The following CYP4V2 variants were observed in gnomAD, a reference collection of about 807,000 sequenced individuals.
CYP4V2 encodes the protein cytochrome P450 family 4 subfamily V member 2.
In CYP4V2, 55 loss-of-function variants were observed where a neutral mutation model predicts 60.8. That is an observed-to-expected ratio of 0.90 (90% confidence interval 0.73 to 1.13). The LOEUF is 1.13. CYP4V2 is among the 50% of genes most tolerant of loss of function. The pLI is 0.00. For missense variants in CYP4V2, 675 were observed against 662.9 expected (o/e 1.02, Z -0.20); for synonymous variants, 239 against 236.8 (o/e 1.01, Z -0.08).
At position 186,210,867 on chromosome 4, in the gene CYP4V2, T is replaced by C; in HGVS notation, c.*226T>C. 1 of 490,412 alleles carries C rather than the reference T, an allele frequency of 2.0e-6. No individual in the cohort carries two copies. Among genetic ancestry groups the C allele is most frequent in the South Asian group, 2.1e-5 (1 of 46,638 alleles). The allele number at this position is 490,412 out of a possible 1,614,324, so 30.4% of individuals were successfully genotyped here. A position where few individuals can be genotyped will look rare whatever the true frequency, so the allele number is the denominator to read the frequency against. On this transcript the variant is annotated 3_prime_UTR_variant, in exon 11 of 11. Transcript: ENST00000378802. ...TTTTTTTTTTGAAACCGTGTCTCAC[T>C]CTGTCGCCCAGGCTGGAGGAGTGCA...
At chr4:186,192,322 C>T (rs1736015705) in intron 1 of CYP4V2, 1 of 653,306 alleles carries the variant, frequency 1.5e-6, no homozygotes, top group East Asian at 3.0e-5. Flanking sequence ...GCTCTCAAAG[C>T]CCTGCCGTTT....
intron 8 of CYP4V2, among the ~76,000 whole-genome samples, chr4:186,208,332 G>C (rs1243136514): frequency 6.0e-5 from 9 of 150,660 alleles, no homozygotes; most frequent in Non-Finnish European, 1.3e-4. Context: ...TTAGCATCCA[G>C]TACCTTGATC....
rs150875391 is a variant in CYP4V2 at position 186,197,046 on chromosome 4, G to A, written c.520G>A (p.Val174Ile). Reference sequence around the variant, plus strand: ...CATGAATGAACAAGCAAATATATTGGTTAAGAAACTTGAAAAACACATTAA... The same window carrying A: ...CATGAATGAACAAGCAAATATATTGATTAAGAAACTTGAAAAACACATTAA... ...DIMNEQANIL[V>I]KKLEKHINQE... is the part of the protein sequence containing the mutation. The change falls in exon 4 of 11, where the codon GTT becomes ATT. Residue 174 changes from valine (V) to isoleucine (I), a missense_variant. Transcript: ENST00000378802. The A allele has an allele frequency of 2.5e-6, 4 of 1,613,542 alleles. No homozygotes were observed. Among genetic ancestry groups the A allele is most frequent in the Non-Finnish European group, 3.4e-6 (4 of 1,179,964 alleles).
At position 186,205,257 on chromosome 4, in the gene CYP4V2, C is replaced by G; in HGVS notation, c.1045C>G (p.Pro349Ala). The G allele has an allele frequency of 6.2e-7, 1 of 1,614,186 alleles. No individual in the cohort carries two copies. The highest frequency in any genetic ancestry group is 1.3e-5 in the African/African-American group (1 of 75,036). The stretch of plus-strand genomic sequence containing the variant: ...GTCCTTATACCTGTTGGGTTCTAAC[C>G]CAGAAGTCCAGAAAAAAGTGGATCA... ...NWSLYLLGSN[P>A]EVQKKVDHEL... Residue 349 changes from proline (P) to alanine (A), a missense_variant, in exon 8 of 11, where the codon CCA becomes GCA. Transcript: ENST00000378802.
At chr4:186,209,495 A>G (rs7664886) in intron 10 of CYP4V2, among the ~76,000 whole-genome samples, 10,729 of 152,236 alleles carry the variant, frequency 0.07, 1,278 homozygotes, top group African/African-American at 0.25. Flanking sequence ...GCAAAATACC[A>G]CAGACTGGGT....
At chr4:186,194,142 T>G (rs934606659) in intron 1 of CYP4V2, among the ~76,000 whole-genome samples, 4 of 152,230 alleles carry the variant, frequency 2.6e-5, no homozygotes, top group African/African-American at 9.6e-5. Context: ...GGTGAAGTTC[T>G]GGAGTCTCGC....
chr4:186,191,847 C>T lies in CYP4V2; in HGVS notation c.24C>T (p.Leu8=), dbSNP rs202148693. 3.8e-4 allele frequency: 600 copies of T among 1,577,370 alleles called. 6 individuals carry two copies. The East Asian group carries it at 6.9e-3, about 18-fold the overall frequency. The part of the protein sequence containing the change: MAGLWLG[L]VWQKLLLWGA... ...CGATGGCGGGGCTCTGGCTGGGGCT[C>T]GTGTGGCAGAAGCTGCTGCTGTGGG... The change falls in exon 1 of 11, where the codon CTC becomes CTT. Residue 8 remains leucine, a synonymous_variant. Coordinates refer to ENST00000378802, the MANE Select transcript of CYP4V2 (RefSeq NM_207352.4).
chr4:186,191,893 C>T lies in CYP4V2; in HGVS notation c.70C>T (p.Leu24=). 1 of 1,591,370 alleles carries T rather than the reference C, an allele frequency of 6.3e-7. No individual in the cohort carries two copies. The highest frequency in any genetic ancestry group is 8.5e-7 in the Non-Finnish European group (1 of 1,172,988). The change falls in exon 1 of 11, where the codon CTG becomes TTG. Residue 24 remains leucine (L), a synonymous_variant. Transcript: ENST00000378802. ...LLWGAASALS[L]AGASLVLSLL... ...GTGGGGCGCGGCGAGTGCCCTTTCC[C>T]TGGCCGGCGCCAGTCTGGTCCTGAG... is the stretch of plus-strand genomic sequence containing the variant.
intron 4 of CYP4V2, 197 bp downstream of exon 4, chr4:186,197,327 C>G: frequency 1.2e-6 from 1 of 854,152 alleles, no homozygotes; most frequent in Non-Finnish European, 1.9e-6. Context: ...CATGGAGCAA[C>G]TGCCCAGGGA....
In CYP4V2 at chr4:186,191,592, T is replaced by TGGAGGCCGC; in HGVS notation, c.-229_-221dup. The TGGAGGCCGC allele has an allele frequency of 3.1e-6, 1 of 324,184 alleles. No individual in the cohort carries two copies. The highest frequency in any genetic ancestry group is 5.5e-6 in the Non-Finnish European group (1 of 181,838). The allele number at this position is 324,184 out of a possible 1,614,324, so 20.1% of individuals were successfully genotyped here. On this transcript the variant is annotated 5_prime_UTR_variant, in exon 1 of 11. Transcript: ENST00000378802. ...CGGTCTTTCGCTTTCGGCTGGGGCG[T>TGGAGGCCGC]GGAGGCCGCGGTGCTGCGTAGGCCG... is the stretch of plus-strand genomic sequence containing the variant.
chr4:186,205,284 G>T lies in CYP4V2; in HGVS notation c.1072G>T (p.Glu358Ter), dbSNP rs1189085185. The change falls in exon 8 of 11, where the codon GAA becomes TAA. Residue 358 changes from glutamate (E) to a stop codon, truncating the protein, a stop_gained. Transcript: ENST00000378802. LOFTEE classifies it high-confidence loss of function. ...AGAAGTCCAGAAAAAAGTGGATCAT[G>T]AATTGGATGACGTGTTTGGTATGTT... is the stretch of plus-strand genomic sequence containing the variant. ...NPEVQKKVDH[E>*]LDDVFGKSDR... is the part of the protein sequence containing the mutation. The T allele has an allele frequency of 6.2e-7, 1 of 1,614,234 alleles. No homozygotes were observed. Among genetic ancestry groups the T allele is most frequent in the Non-Finnish European group, 8.5e-7 (1 of 1,180,038 alleles).
chr4:186,208,894 G>T lies in CYP4V2; in HGVS notation c.1120G>T (p.Asp374Tyr), dbSNP rs376015936. The T allele has an allele frequency of 1.3e-4, 207 of 1,614,104 alleles. No individual in the cohort carries two copies. The highest frequency in any genetic ancestry group is 1.7e-4 in the Non-Finnish European group (195 of 1,180,046). The change falls in exon 9 of 11, where the codon GAC becomes TAC. Residue 374 changes from aspartate to tyrosine, a missense_variant. By Grantham distance (160) the Asp-to-Tyr change is radical. Coordinates refer to ENST00000378802, the MANE Select transcript of CYP4V2 (RefSeq NM_207352.4). ...GTCTGACCGTCCCGCTACAGTAGAA[G>T]ACCTGAAGAAACTTCGGTATCTGGA... ...GKSDRPATVE[D>Y]LKKLRYLECV...
At chr4:186,196,863 C>A in intron 3 of CYP4V2, 77 bp from the exon 4 acceptor site, 1 of 1,449,260 alleles carries the variant, frequency 6.9e-7, no homozygotes, top group South Asian at 1.2e-5. Context: ...ATGCTTTAAT[C>A]GTTTTGGATG....
In CYP4V2 at chr4:186,207,366, T is replaced by G. The variant is rs536330467; in HGVS notation, c.1091-1499T>G. 7.0e-5 allele frequency among the ~76,000 whole-genome samples: 10 copies of G among 142,938 alleles called. No individual in the cohort carries two copies. In the South Asian group the frequency reaches 2.2e-3, roughly 31 times the overall value. The allele number at this position is 142,938 out of a possible 152,430, so 93.8% of individuals were successfully genotyped here. ...GGCGGAGCTTACAGTGAGCAGAGAT[T>G]GCACCACTGCATTCCAGCCTGGGCA... is the stretch of plus-strand genomic sequence containing the variant. On this transcript the variant is annotated intron_variant, in intron 8 of 10. Coordinates refer to ENST00000378802, the MANE Select transcript of CYP4V2 (RefSeq NM_207352.4).
intron 8 of CYP4V2, among the ~76,000 whole-genome samples, chr4:186,208,451 G>A (rs1007344218): frequency 6.6e-6 from 1 of 151,786 alleles, no homozygotes; most frequent in Non-Finnish European, 1.5e-5. Context: ...CCCCTGCCTT[G>A]ATCCACATGT....
rs1172499357 is a variant in CYP4V2, at chr4:186,199,076, C to G, written c.794C>G (p.Thr265Ser). 6.2e-7 allele frequency: 1 copy of G among 1,613,564 alleles called. No homozygotes were observed. ...KKSLQILHTFTNSVIAERANE... is the reference protein window; with the variant it reads ...KKSLQILHTFSNSVIAERANE... Reference sequence around the variant, plus strand: ...AGCCTTCAGATCCTACATACTTTTACCAACAGTGTAAGTCCCTGACTTTTA... The same window carrying G: ...AGCCTTCAGATCCTACATACTTTTAGCAACAGTGTAAGTCCCTGACTTTTA... The change falls in exon 6 of 11, where the codon ACC (threonine) becomes AGC (serine). Residue 265 changes from threonine (T) to serine (S), a missense_variant. Coordinates refer to ENST00000378802, the MANE Select transcript of CYP4V2 (RefSeq NM_207352.4).
intron 9 of CYP4V2, 43 bp downstream of exon 9, chr4:186,209,042 C>A: frequency 6.2e-7 from 1 of 1,614,142 alleles, no homozygotes; most frequent in Non-Finnish European, 8.5e-7. Flanking sequence ...GGGAAACTTT[C>A]TAATGTCTAC....
At chr4:186,204,399 A>T (rs1736431128) in intron 7 of CYP4V2, 1 of 55,932 alleles carries the variant, frequency 1.8e-5, no homozygotes, top group African/African-American at 2.2e-4. Flanking sequence ...CTGGCGTAAG[A>T]GGTGGCGGTG....
At chr4:186,204,449 T>C (rs1009446419) in intron 7 of CYP4V2, 1 of 217,516 alleles carries the variant, frequency 4.6e-6, no homozygotes, top group Admixed American at 5.4e-5. Context: ...GTGGAGACGT[T>C]ACGCTGGCGT....
Sources: allele counts gnomAD v4.1 joint callset (sites outside exome capture counted in the v4.1 genomes callset), GRCh38; gene constraint gnomAD v4.1.1; transcripts MANE v1.5; gene names NCBI Gene and HGNC (gene_info 2026-07-23, HGNC 2026-07-21).